The following NBAS variants were observed in gnomAD, a reference collection of about 807,000 sequenced individuals.
The protein encoded by NBAS is NBAS subunit of NRZ tethering complex.
NBAS carries 219 observed loss-of-function variants against 302.5 expected under a neutral mutation model. That is an observed-to-expected ratio of 0.72 (90% CI 0.65 to 0.81). The LOEUF is 0.81. NBAS is among the 30% of genes least tolerant of loss of function. The pLI, the probability that NBAS is intolerant of heterozygous loss-of-function variation, is 0.00. For missense variants in NBAS, 2,932 were observed against 2,841.6 expected (o/e 1.03, Z -0.72); for synonymous variants, 1,118 against 1,021.6 (o/e 1.09, Z -1.80).
At chr2:15,249,071 T>C (rs6728767) in intron 44 of NBAS, among the ~76,000 whole-genome samples, 91,742 of 151,940 alleles carry the variant, frequency 0.6, 30,384 homozygotes, top group African/African-American at 0.87. Flanking sequence ...CTCAATAAAA[T>C]ACTGGCAAAC....
chr2:15,410,979 C>T lies in NBAS; in HGVS notation c.2937+4567G>A, dbSNP rs146462251. Among the ~76,000 whole-genome samples, 1,020 of 152,312 alleles carry T rather than the reference C, an allele frequency of 6.7e-3. 11 individuals are homozygous for T. Among genetic ancestry groups the T allele is most frequent in the African/African-American group, 0.022 (929 of 41,570 alleles). On this transcript the variant is annotated intron_variant, in intron 25 of 51. Transcript: ENST00000281513. ...GCTGCAGCTTCCAAGGCCTTGAACA[C>T]GTTCTCCCTCTGCGGATGGTACTGT...
chr2:15,146,803 T>C, the NBAS span, among the ~76,000 whole-genome samples: 2 of 152,054 alleles, frequency 1.3e-5, no homozygotes, highest in African/African-American at 4.8e-5. Flanking sequence ...ACTGGGGCTG[T>C]CAATAGACAA....
chr2:15,411,930 A>G (rs1231803609), intron 25 of NBAS, among the ~76,000 whole-genome samples: 2 of 152,134 alleles, frequency 1.3e-5, no homozygotes, highest in African/African-American at 2.4e-5. Flanking sequence ...AGTTACCCCT[A>G]TCTAGGACTA....
At chr2:15,041,900 G>A in the NBAS span, among the ~76,000 whole-genome samples, 1 of 152,062 alleles carries the variant, frequency 6.6e-6, no homozygotes, top group Admixed American at 6.5e-5. Flanking sequence ...TGGGAGGATG[G>A]GGCCATTTTC....
chr2:15,105,207 A>T, the NBAS span, among the ~76,000 whole-genome samples: 3 of 152,156 alleles, frequency 2.0e-5, no homozygotes, highest in Non-Finnish European at 4.4e-5. Context: ...GAGTTGAACA[A>T]TGAGAACACA....
At chr2:15,225,934 G>A (rs1038831170) in intron 47 of NBAS, among the ~76,000 whole-genome samples, 9 of 152,168 alleles carry the variant, frequency 5.9e-5, no homozygotes, top group African/African-American at 1.9e-4. Context: ...GTAAGACCTT[G>A]CTACTCAAAG....
chr2:15,086,312 T>C, the NBAS span, among the ~76,000 whole-genome samples: 8,156 of 152,200 alleles, frequency 0.054, 493 homozygotes, highest in African/African-American at 0.13. Context: ...ACACTCGGGA[T>C]ACCCTGGCTG....
the NBAS span, among the ~76,000 whole-genome samples, chr2:15,054,102 T>C: frequency 3.9e-4 from 59 of 152,192 alleles, no homozygotes; most frequent in Non-Finnish European, 7.3e-4. Flanking sequence ...ATGTGCGCTT[T>C]AGAAGCACTC....
chr2:15,335,174 T>TTA (rs758139542), intron 35 of NBAS, among the ~76,000 whole-genome samples: 64 of 117,278 alleles, frequency 5.5e-4, no homozygotes, highest in African/African-American at 1.8e-3. Flanking sequence ...TCATCTCTCT[T>TTA]AAAAAAAAAA....
chr2:15,536,852 A>T (rs1663544570), intron 7 of NBAS, among the ~76,000 whole-genome samples: 1 of 152,186 alleles, frequency 6.6e-6, no homozygotes, highest in African/African-American at 2.4e-5. Context: ...AAACAAAGAT[A>T]ATGCCACCAT....
chr2:14,952,584 GT>G, the NBAS span, among the ~76,000 whole-genome samples: 1 of 152,298 alleles, frequency 6.6e-6, no homozygotes, highest in Middle Eastern at 3.4e-3. Context: ...AGGAGGGCAC[GT>G]TCATTCGGCC....
At chr2:14,970,120 A>C in the NBAS span, among the ~76,000 whole-genome samples, 1 of 152,244 alleles carries the variant, frequency 6.6e-6, no homozygotes, top group Admixed American at 6.5e-5. Flanking sequence ...ATAAACTTTT[A>C]GAAAAATCAG....
intron 40 of NBAS, among the ~76,000 whole-genome samples, chr2:15,298,055 G>A (rs1416768087): frequency 6.6e-6 from 1 of 152,050 alleles, no homozygotes; most frequent in Non-Finnish European, 1.5e-5. Flanking sequence ...TAATAAAGTG[G>A]TGAGGCTGGG....
At chr2:14,877,284 G>A in the NBAS span, among the ~76,000 whole-genome samples, 1 of 152,024 alleles carries the variant, frequency 6.6e-6, no homozygotes, top group African/African-American at 2.4e-5. Flanking sequence ...ATATTAATGT[G>A]GCTGCTTCTC....
At chr2:14,944,683 C>T in the NBAS span, among the ~76,000 whole-genome samples, 1 of 151,794 alleles carries the variant, frequency 6.6e-6, no homozygotes, top group East Asian at 1.9e-4. Context: ...TCTTTCAAAA[C>T]TCAAATATGA....
intron 40 of NBAS, among the ~76,000 whole-genome samples, chr2:15,301,120 T>G (rs578164589): frequency 6.6e-6 from 1 of 152,166 alleles, no homozygotes; most frequent in South Asian, 2.1e-4. Flanking sequence ...CCCGTTAAGT[T>G]TGCATGCCAC....
the NBAS span, among the ~76,000 whole-genome samples, chr2:15,033,551 CA>C: frequency 1.4e-4 from 21 of 151,970 alleles, no homozygotes; most frequent in African/African-American, 4.8e-4. Context: ...TGTCGTTTCC[CA>C]AAAAAATGCA....
At chr2:14,925,628 G>A in the NBAS span, among the ~76,000 whole-genome samples, 1 of 152,110 alleles carries the variant, frequency 6.6e-6, no homozygotes, top group African/African-American at 2.4e-5. Flanking sequence ...TGGCAAAATT[G>A]CATTCATCAT....
chr2:15,045,436 T>C, the NBAS span, among the ~76,000 whole-genome samples: 1 of 152,230 alleles, frequency 6.6e-6, no homozygotes, highest in Admixed American at 6.5e-5. Flanking sequence ...CATTTTGTTA[T>C]CAGAGAGCAT....
Sources: allele counts gnomAD v4.1 joint callset (sites outside exome capture counted in the v4.1 genomes callset), GRCh38; gene constraint gnomAD v4.1.1; transcripts MANE v1.5; gene names NCBI Gene and HGNC (gene_info 2026-07-23, HGNC 2026-07-21).